STAG3: variants seen among roughly 807,000 people sequenced by gnomAD.
The protein encoded by STAG3 is STAG3 cohesin complex component.
STAG3 carries 101 observed loss-of-function variants against 160.7 expected under a neutral mutation model. That is an observed-to-expected ratio of 0.63 (90% CI 0.54 to 0.74). The LOEUF (loss-of-function observed/expected upper bound fraction) is 0.74, where lower values mean the gene tolerates loss of function less well. STAG3 is among the 30% of genes least tolerant of loss of function. STAG3 has a pLI of 0.00. For missense variants in STAG3, 1,188 were observed against 1,517.4 expected, an observed-to-expected ratio of 0.78 and a Z score of 3.61; for synonymous variants, 519 against 585.0, an observed-to-expected ratio of 0.89 and a Z score of 1.63.
Position 100,182,082 on chromosome 7 carries a change from T to C in STAG3, c.117-8T>C. ...GTTATATTTAAAGAGAACCATACTT[T>C]CTCACAGGAATGGCGACTCTTTGTT... is the stretch of plus-strand genomic sequence containing the variant. On this transcript the variant is annotated splice_region_variant and splice_polypyrimidine_tract_variant and intron_variant, in intron 2 of 33. Coordinates refer to ENST00000615138, the MANE Select transcript of STAG3 (RefSeq NM_001282717.2). 6.2e-7 allele frequency: 1 copy of C among 1,611,172 alleles called. No individual in the cohort carries two copies.
At position 100,182,840 on chromosome 7, in the gene STAG3, G is replaced by GTA; in HGVS notation, c.336+2_336+3dup. On this transcript the variant is annotated splice_donor_variant, in intron 4 of 33. Coordinates refer to ENST00000615138, the MANE Select transcript of STAG3 (RefSeq NM_001282717.2). LOFTEE classifies it high-confidence loss of function. ...GAAAGCCGCCAAAAGTGACATGCAG[G>GTA]TAAAGCAGTGTCTCACCTCTGTTGA... is the stretch of plus-strand genomic sequence containing the variant. 1.2e-6 allele frequency: 2 copies of GTA among 1,613,910 alleles called. No homozygotes were observed. Among genetic ancestry groups the GTA allele is most frequent in the Non-Finnish European group, 8.5e-7 (1 of 1,179,840 alleles).
At chr7:100,190,824 T>G (rs1800303367) in intron 8 of STAG3, among the ~76,000 whole-genome samples, 1 of 152,212 alleles carries the variant, frequency 6.6e-6, no homozygotes, top group South Asian at 2.1e-4. Flanking sequence ...AACTGTTCTT[T>G]CTAAACCAAT....
At position 100,205,359 on chromosome 7, in the gene STAG3, C is replaced by T. The variant is rs772216144; in HGVS notation, c.3213C>T (p.Pro1071=). 17 of 1,613,780 alleles carry T rather than the reference C, an allele frequency of 1.1e-5. No homozygotes were observed. Among genetic ancestry groups the T allele is most frequent in the Non-Finnish European group, 1.4e-5 (16 of 1,179,918 alleles). The change falls in exon 29 of 34, where the codon CCC becomes CCT. Residue 1071 remains proline, a synonymous_variant. Transcript: ENST00000615138. ...CAGAGACCAGCCCTCAGGTCCTCCCCAGCTCCAAGAGGAGGCGCGTTGAAG... is the reference window on the plus strand; with the variant it reads ...CAGAGACCAGCCCTCAGGTCCTCCCTAGCTCCAAGAGGAGGCGCGTTGAAG... ...NTAETSPQVL[P]SSKRRRVEGP...
At chr7:100,219,232 G>A (rs1803036110), downstream of STAG3, 1 of 153,454 alleles carries the variant, frequency 6.5e-6, no homozygotes, top group African/African-American at 2.4e-5. Context: ...TTCAACTCCT[G>A]GCTTCTGCAC....
At chr7:100,178,940 C>T (rs1047989887) in intron 1 of STAG3, among the ~76,000 whole-genome samples, 2 of 151,890 alleles carry the variant, frequency 1.3e-5, no homozygotes, top group East Asian at 1.9e-4. Context: ...GCGATCGTCC[C>T]GCTTCATTCT....
chr7:100,200,682 A>G, intron 18 of STAG3, 87 bp from the exon 19 acceptor site: 2 of 1,550,786 alleles, frequency 1.3e-6, no homozygotes, highest in Middle Eastern at 2.2e-4. Flanking sequence ...CTTGAAGTTT[A>G]ATGCTTTTAA....
intron 7 of STAG3, 152 bp from the exon 8 acceptor site, chr7:100,189,293 C>T (rs765179204): frequency 1.1e-6 from 1 of 885,394 alleles, no homozygotes; most frequent in East Asian, 2.6e-5. Flanking sequence ...GGAAACAGTC[C>T]ACTCCAGGAC....
At chr7:100,194,342 C>T (rs1388178181) in intron 8 of STAG3, among the ~76,000 whole-genome samples, 1 of 152,120 alleles carries the variant, frequency 6.6e-6, no homozygotes, top group Non-Finnish European at 1.5e-5. Flanking sequence ...GACCTAATTA[C>T]AATATTTTTG....
At chr7:100,213,584 G>A in intron 32 of STAG3, 151 bp from the exon 33 acceptor site, 1 of 1,484,132 alleles carries the variant, frequency 6.7e-7, no homozygotes, top group Non-Finnish European at 8.9e-7. Context: ...TGATCCTGGT[G>A]CCCACACTGA....
intron 8 of STAG3, 68 bp downstream of exon 8, chr7:100,189,664 C>T (rs1800239919): frequency 1.9e-6 from 3 of 1,539,806 alleles, no homozygotes; most frequent in Non-Finnish European, 2.6e-6. Flanking sequence ...CACAGACCCC[C>T]TTATCAGGCC....
In STAG3 at chr7:100,211,077, T is replaced by TGCCC; in HGVS notation, c.3305_3306insGCCC (p.Ile1102MetfsTer90). On this transcript the variant is annotated frameshift_variant, in exon 30 of 34. Transcript: ENST00000615138. LOFTEE classifies it high-confidence loss of function. ...GAAGAAAGTCTGCAGCTGAACAGCA[T>TGCCC]CCCGCCCACGCCCACCCTCACCTCC... 2.7e-5 allele frequency: 44 copies of TGCCC among 1,600,614 alleles called. No individual in the cohort carries two copies. The highest frequency in any genetic ancestry group is 3.3e-5 in the South Asian group (3 of 90,824).
intron 8 of STAG3, among the ~76,000 whole-genome samples, chr7:100,192,750 G>A (rs1189559736): frequency 6.6e-6 from 1 of 152,042 alleles, no homozygotes; most frequent in Non-Finnish European, 1.5e-5. Flanking sequence ...TACCACATCT[G>A]GCTAGTTTTT....
In STAG3 at chr7:100,205,248, C is replaced by G; in HGVS notation, c.3102C>G (p.Cys1034Trp). 6.2e-7 allele frequency: 1 copy of G among 1,614,048 alleles called. No homozygotes were observed. Among genetic ancestry groups the G allele is most frequent in the South Asian group, 1.1e-5 (1 of 91,082 alleles). Residue 1034 changes from cysteine to tryptophan, a missense_variant, in exon 29 of 34, where the codon TGC becomes TGG. By Grantham distance (215) the Cys-to-Trp change is radical. This residue lies in a region of STAG3 where 647 missense variants were observed against 717.2 expected (regional missense o/e 0.90). Transcript: ENST00000615138. Reference sequence around the variant, plus strand: ...ATAGACTGTCCTATCTAGAAAAGTGCCTGCAGCATGTCTCCCAGGCACCTG... The same window carrying G: ...ATAGACTGTCCTATCTAGAAAAGTGGCTGCAGCATGTCTCCCAGGCACCTG... Reference protein sequence around the residue: ...KQLLLSYLEKCLQHVSQAPGH... With the variant: ...KQLLLSYLEKWLQHVSQAPGH...
chr7:100,209,140 G>A (rs1015322362), intron 29 of STAG3, among the ~76,000 whole-genome samples: 1 of 152,170 alleles, frequency 6.6e-6, no homozygotes, highest in Non-Finnish European at 1.5e-5. Context: ...TCTCTTGTTA[G>A]AGGTTAGTCG....
intron 29 of STAG3, among the ~76,000 whole-genome samples, chr7:100,205,829 C>CAA (rs111450430): frequency 3.1e-5 from 3 of 95,838 alleles, no homozygotes; most frequent in Non-Finnish European, 4.6e-5. Context: ...GACTCTGTCT[C>CAA]AAAAAAAAAA....
chr7:100,184,620 A>C (rs1174757317), intron 4 of STAG3, among the ~76,000 whole-genome samples: 1 of 151,686 alleles, frequency 6.6e-6, no homozygotes, highest in Non-Finnish European at 1.5e-5. Context: ...GATGCATGCC[A>C]CCACGCCCAA....
rs988725892 is a variant in STAG3 at position 100,205,606 on chromosome 7, C to T, written c.3238+222C>T. Among the ~76,000 whole-genome samples, 14 of 152,124 alleles carry T rather than the reference C, an allele frequency of 9.2e-5. No individual in the cohort carries two copies. In the South Asian group the frequency reaches 2.3e-3, roughly 25 times the overall value. ...CAGCACTTTGGGAGGCCGAGGCAGG[C>T]GGCTCACGAGGTCAGGTGTTCGAGA... On this transcript the variant is annotated intron_variant, in intron 29 of 33. Coordinates refer to ENST00000615138, the MANE Select transcript of STAG3 (RefSeq NM_001282717.2).
intron 4 of STAG3, among the ~76,000 whole-genome samples, chr7:100,183,382 G>A (rs1799777798): frequency 1.3e-5 from 2 of 152,248 alleles, no homozygotes; most frequent in African/African-American, 2.4e-5. Flanking sequence ...TGATGGAGCA[G>A]ATGAGGAGAG....
chr7:100,194,969 C>T (rs552766902), intron 8 of STAG3, among the ~76,000 whole-genome samples: 1 of 152,248 alleles, frequency 6.6e-6, no homozygotes, highest in East Asian at 1.9e-4. Flanking sequence ...GGTTGTCACA[C>T]ACCTTTAGTT....
Sources: allele counts gnomAD v4.1 joint callset (sites outside exome capture counted in the v4.1 genomes callset), GRCh38; gene constraint gnomAD v4.1.1; regional missense constraint gnomAD v4.1.1; transcripts MANE v1.5; gene names NCBI Gene and HGNC (gene_info 2026-07-23, HGNC 2026-07-21).